TAFA5: variants seen among roughly 807,000 people sequenced by gnomAD.
TAFA5 encodes the protein TAFA chemokine like family member 5.
Under a neutral mutation model 15.3 loss-of-function variants are expected in TAFA5, and 6 were observed. The ratio of observed to expected loss-of-function variants is 0.39; its 90% CI spans 0.21 to 0.77. The LOEUF (loss-of-function observed/expected upper bound fraction) is 0.77. TAFA5 is among the 30% of genes least tolerant of loss of function. The pLI, the probability that TAFA5 is intolerant of heterozygous loss-of-function variation, is 0.41. For synonymous variants in TAFA5, 103 were observed against 80.7 expected (o/e 1.28, Z -1.48); for missense variants, 161 against 193.1 (o/e 0.83, Z 0.98).
intron 1 of TAFA5, among the ~76,000 whole-genome samples, chr22:48,609,748 G>A (rs1479789812): frequency 1.3e-5 from 2 of 152,190 alleles, no homozygotes; most frequent in Non-Finnish European, 2.9e-5. Context: ...CCGGGGGTCT[G>A]GCATCAGGGC....
At chr22:48,712,821 G>A (rs990592495) in intron 3 of TAFA5, among the ~76,000 whole-genome samples, 3 of 152,216 alleles carry the variant, frequency 2.0e-5, no homozygotes, top group Admixed American at 2.0e-4. Context: ...CTCTGCCTCT[G>A]CCTTCCTCTG....
chr22:48,628,827 T>G (rs1055494960), intron 1 of TAFA5, among the ~76,000 whole-genome samples: 1 of 152,196 alleles, frequency 6.6e-6, no homozygotes, highest in African/African-American at 2.4e-5. Context: ...CACATCGGCG[T>G]GTTTGCCAAT....
In TAFA5 at chr22:48,511,917, G is replaced by A. The variant is rs1921228183; in HGVS notation, c.112+22213G>A. On this transcript the variant is annotated intron_variant, in intron 1 of 3. Transcript: ENST00000402357. ...GGAAAGGGCTACAGATGCGGAACGG[G>A]GCTTGCTGTGGGGAACGGTGCGCTC... 2.0e-5 allele frequency among the ~76,000 whole-genome samples: 3 copies of A among 152,240 alleles called. No individual in the cohort carries two copies. In the South Asian group the frequency reaches 6.2e-4, roughly 32 times the overall value.
chr22:48,523,383 C>T (rs1162997742), intron 1 of TAFA5, among the ~76,000 whole-genome samples: 1 of 152,262 alleles, frequency 6.6e-6, no homozygotes, highest in African/African-American at 2.4e-5. Flanking sequence ...CCCCTGGGCC[C>T]TCCTGTGTGG....
chr22:48,572,919 T>G (rs1336177296), intron 1 of TAFA5, among the ~76,000 whole-genome samples: 2 of 152,182 alleles, frequency 1.3e-5, no homozygotes, highest in Admixed American at 1.3e-4. Flanking sequence ...ATGGCTGAAG[T>G]ATTGTGTTTA....
chr22:48,656,429 C>G (rs1467000831), intron 2 of TAFA5, among the ~76,000 whole-genome samples: 1 of 151,628 alleles, frequency 6.6e-6, no homozygotes, highest in Non-Finnish European at 1.5e-5. Flanking sequence ...TTGCTTGAAC[C>G]CGGGAGGCGG....
At chr22:48,737,379 T>G (rs1930059318) in intron 3 of TAFA5, among the ~76,000 whole-genome samples, 1 of 152,226 alleles carries the variant, frequency 6.6e-6, no homozygotes, top group Non-Finnish European at 1.5e-5. Flanking sequence ...GAGGTGCTTC[T>G]GACGCTGCCT....
At position 48,560,454 on chromosome 22, in the gene TAFA5, G is replaced by A. The variant is rs1018615721; in HGVS notation, c.112+70750G>A. Among the ~76,000 whole-genome samples, 5 of 152,308 alleles carry A rather than the reference G, an allele frequency of 3.3e-5. No individual in the cohort carries two copies. The highest frequency in any genetic ancestry group is 2.1e-4 in the South Asian group (1 of 4,822). On this transcript the variant is annotated intron_variant, in intron 1 of 3. Transcript: ENST00000402357. This position sits in a 1 kb window ranked among gnomAD's most constrained non-coding sequence, Gnocchi z 4.2. ...GGCCATCAGGGCCTGGGGCCAGCCC[G>A]GGCAAGGACAGTGCCAGCAGGCGCC...
chr22:48,527,008 G>A (rs1430314467), intron 1 of TAFA5, among the ~76,000 whole-genome samples: 4 of 152,240 alleles, frequency 2.6e-5, no homozygotes, highest in East Asian at 1.9e-4. Context: ...CTCATGATGA[G>A]GCCCACTATA....
intron 3 of TAFA5, among the ~76,000 whole-genome samples, chr22:48,745,119 C>T (rs1930289392): frequency 6.6e-6 from 1 of 152,220 alleles, no homozygotes; most frequent in African/African-American, 2.4e-5. Context: ...AGCCCTGAGC[C>T]CTGAACCCGA....
At chr22:48,640,850 C>G (rs1001227475) in intron 1 of TAFA5, among the ~76,000 whole-genome samples, 9 of 150,474 alleles carry the variant, frequency 6.0e-5, no homozygotes, top group Non-Finnish European at 1.3e-4. Context: ...CTGTCTGAAG[C>G]TGAGACCGTG....
chr22:48,632,277 A>C (rs1926258969), intron 1 of TAFA5, among the ~76,000 whole-genome samples: 1 of 152,156 alleles, frequency 6.6e-6, no homozygotes, highest in South Asian at 2.1e-4. Flanking sequence ...TTTCTGATCC[A>C]GTCCAGAGAT....
chr22:48,606,409 T>C (rs1034762786), intron 1 of TAFA5, among the ~76,000 whole-genome samples: 20 of 152,150 alleles, frequency 1.3e-4, no homozygotes, highest in African/African-American at 4.3e-4. Context: ...AAAAAGTAGG[T>C]TTAAGCAGCA....
intron 2 of TAFA5, among the ~76,000 whole-genome samples, chr22:48,650,450 G>T (rs906985701): frequency 6.6e-6 from 1 of 152,252 alleles, no homozygotes; most frequent in Non-Finnish European, 1.5e-5. Flanking sequence ...TCAGACTGGG[G>T]CCCCAGAGTG....
chr22:48,495,618 T>C (rs1045059013), intron 1 of TAFA5, among the ~76,000 whole-genome samples: 1 of 152,166 alleles, frequency 6.6e-6, no homozygotes, highest in African/African-American at 2.4e-5. Flanking sequence ...AGCCGGCATG[T>C]CCATTCGTTG....
At chr22:48,674,033 G>A (rs970684586) in intron 2 of TAFA5, among the ~76,000 whole-genome samples, 10 of 142,336 alleles carry the variant, frequency 7.0e-5, no homozygotes, top group Non-Finnish European at 1.0e-4. Context: ...ACTCCTCTTC[G>A]CCCGCCTCAC....
intron 1 of TAFA5, among the ~76,000 whole-genome samples, chr22:48,590,809 A>T (rs1395244776): frequency 1.3e-5 from 2 of 152,090 alleles, no homozygotes; most frequent in Admixed American, 6.5e-5. Context: ...TATGTTATTA[A>T]AAATGTGTCT....
intron 1 of TAFA5, chr22:48,576,358 C>A: frequency 8.5e-7 from 1 of 1,180,272 alleles, no homozygotes; most frequent in South Asian, 4.1e-5. Flanking sequence ...CGGAGCGCGG[C>A]GTTGGCGGCG....
intron 2 of TAFA5, among the ~76,000 whole-genome samples, chr22:48,658,392 C>G (rs943863448): frequency 6.6e-6 from 1 of 152,262 alleles, no homozygotes; most frequent in Non-Finnish European, 1.5e-5. Flanking sequence ...TGGATGTGCA[C>G]AGCCCATGGG....
Sources: allele counts gnomAD v4.1 joint callset (sites outside exome capture counted in the v4.1 genomes callset), GRCh38; gene constraint gnomAD v4.1.1; non-coding constraint Gnocchi (gnomAD v3.1); transcripts MANE v1.5; gene names NCBI Gene and HGNC (gene_info 2026-07-23, HGNC 2026-07-21).